SUPV3L1: variants seen among roughly 807,000 people sequenced by gnomAD.
The protein encoded by SUPV3L1 is Suv3 like RNA helicase.
SUPV3L1 carries 35 observed loss-of-function variants against 70.0 expected under a neutral mutation model. The observed-to-expected ratio is 0.50, with a 90% CI of 0.38 to 0.66. SUPV3L1 has a LOEUF of 0.66. Among genes scored for constraint, SUPV3L1 ranks in the 30% least tolerant of loss-of-function variants. The pLI is 0.00. For missense variants in SUPV3L1, 777 were observed against 961.5 expected (o/e 0.81, Z 2.54); for synonymous variants, 364 against 341.9 (o/e 1.06, Z -0.71).
At position 69,191,693 on chromosome 10, in the gene SUPV3L1, G is replaced by A; in HGVS notation, c.780G>A (p.Val260=). The change falls in exon 6 of 15, where the codon GTG becomes GTA. Residue 260 remains valine, a synonymous_variant. Coordinates refer to ENST00000359655, the MANE Select transcript of SUPV3L1 (RefSeq NM_003171.5). ...ACTTGGTGACAGGTGAAGAGCGTGT[G>A]ACAGTTCAGCCAAATGGGAAACAGG... ...PCDLVTGEER[V]TVQPNGKQAS... 1 of 1,614,008 alleles carries A rather than the reference G, an allele frequency of 6.2e-7. No individual in the cohort carries two copies. Among genetic ancestry groups the A allele is most frequent in the Non-Finnish European group, 8.5e-7 (1 of 1,179,994 alleles).
intron 13 of SUPV3L1, 22 bp from the exon 14 acceptor site, chr10:69,207,771 C>A: frequency 1.9e-6 from 3 of 1,601,452 alleles, no homozygotes; most frequent in Non-Finnish European, 1.7e-6. Flanking sequence ...TCTCTGAAAC[C>A]CTTTTCCTCT....
intron 13 of SUPV3L1, among the ~76,000 whole-genome samples, chr10:69,205,533 C>T (rs1306199484): frequency 6.6e-6 from 1 of 152,134 alleles, no homozygotes; most frequent in Non-Finnish European, 1.5e-5. Flanking sequence ...CGCCATGATG[C>T]GTGGTGTGTT....
intron 11 of SUPV3L1, among the ~76,000 whole-genome samples, chr10:69,202,055 G>A (rs1416578307): frequency 6.8e-6 from 1 of 146,140 alleles, no homozygotes; most frequent in Non-Finnish European, 1.5e-5. Flanking sequence ...TGGGCAGGAT[G>A]GTCTCAATCT....
At chr10:69,193,944 A>G (rs1008077005) in intron 6 of SUPV3L1, among the ~76,000 whole-genome samples, 1 of 152,176 alleles carries the variant, frequency 6.6e-6, no homozygotes, top group African/African-American at 2.4e-5. Flanking sequence ...TAAAACCCCT[A>G]AGGATGAGCA....
At chr10:69,193,988 C>G (rs2174669) in intron 6 of SUPV3L1, among the ~76,000 whole-genome samples, 3 of 152,172 alleles carry the variant, frequency 2.0e-5, no homozygotes, top group Non-Finnish European at 4.4e-5. Flanking sequence ...CCTTCCACTT[C>G]ACTTTCTGCT....
In SUPV3L1 at chr10:69,198,481, T is replaced by C. The variant is rs1842600669; in HGVS notation, c.1133T>C (p.Ile378Thr). Residue 378 changes from isoleucine (I) to threonine (T), a missense_variant, in exon 9 of 15, where the codon ATT becomes ACT. Around this residue, in one of 2 missense-constraint regions of SUPV3L1, gnomAD observed 619 missense variants for 823.3 expected, o/e 0.75. Coordinates refer to ENST00000359655, the MANE Select transcript of SUPV3L1 (RefSeq NM_003171.5). Reference sequence around the variant, plus strand: ...ATTGTCTGTTTTAGCAAGAATGATATTTATTCTGTGAGTCGGCAGATTGAA... The same window carrying C: ...ATTGTCTGTTTTAGCAAGAATGATACTTATTCTGTGAGTCGGCAGATTGAA... ...DCIVCFSKND[I>T]YSVSRQIEIR... 1 of 1,614,096 alleles carries C rather than the reference T, an allele frequency of 6.2e-7. No individual in the cohort carries two copies. The highest frequency in any genetic ancestry group is 8.5e-7 in the Non-Finnish European group (1 of 1,179,994).
intron 13 of SUPV3L1, among the ~76,000 whole-genome samples, chr10:69,204,721 G>A (rs1842778646): frequency 6.6e-6 from 1 of 151,586 alleles, no homozygotes; most frequent in Admixed American, 6.6e-5. Flanking sequence ...CTATGTGCAT[G>A]TTCATGTGGA....
At chr10:69,201,719 G>A (rs1334085129) in intron 11 of SUPV3L1, among the ~76,000 whole-genome samples, 2 of 151,796 alleles carry the variant, frequency 1.3e-5, no homozygotes, top group Non-Finnish European at 2.9e-5. Flanking sequence ...AAAATTTTTT[G>A]TAGAGATGGG....
intron 11 of SUPV3L1, among the ~76,000 whole-genome samples, chr10:69,201,329 C>G (rs113092329): frequency 2.8e-4 from 43 of 152,222 alleles, no homozygotes; most frequent in African/African-American, 9.4e-4. Flanking sequence ...CTTATACTTT[C>G]CTGTGGCCAT....
chr10:69,200,554 C>G, intron 11 of SUPV3L1, 55 bp downstream of exon 11: 1 of 1,433,964 alleles, frequency 7.0e-7, no homozygotes, highest in Non-Finnish European at 9.7e-7. Flanking sequence ...CATTCTTTCC[C>G]TCACCCACCA....
intron 4 of SUPV3L1, among the ~76,000 whole-genome samples, chr10:69,188,349 C>G (rs771518576): frequency 6.6e-6 from 1 of 152,170 alleles, no homozygotes; most frequent in African/African-American, 2.4e-5. Context: ...CTGTCATATT[C>G]TGCTTGGGTT....
At chr10:69,185,083 A>G (rs1269152365) in intron 1 of SUPV3L1, among the ~76,000 whole-genome samples, 1 of 152,192 alleles carries the variant, frequency 6.6e-6, no homozygotes, top group Non-Finnish European at 1.5e-5. Context: ...GTCACCCTTG[A>G]CAGTCATCTA....
In SUPV3L1 at chr10:69,208,694, A is replaced by C. The variant is rs776068571; in HGVS notation, c.2020A>C (p.Thr674Pro). 1.2e-6 allele frequency: 2 copies of C among 1,614,224 alleles called. No homozygotes were observed. The highest frequency in any genetic ancestry group is 1.3e-5 in the African/African-American group (1 of 75,042). ...TATCCAAGATGGTGTGCACAATATC[A>C]CTAAATTGATTAAAATGTCTGAGAC... ...GIIQDGVHNI[T>P]KLIKMSETHK... Residue 674 changes from threonine to proline, a missense_variant, in exon 15 of 15, where the codon ACT (threonine) becomes CCT (proline). By Grantham distance (38) the Thr-to-Pro change is conservative. Transcript: ENST00000359655.
chr10:69,198,834 A>T (rs1842610771), intron 9 of SUPV3L1, among the ~76,000 whole-genome samples: 1 of 152,208 alleles, frequency 6.6e-6, no homozygotes, highest in African/African-American at 2.4e-5. Flanking sequence ...GGTCTTGACC[A>T]TGTCCTTTTA....
rs1564702511 is a variant in SUPV3L1, at chr10:69,189,426, T to C, written c.732T>C (p.Ser244=). 6.2e-7 allele frequency: 1 copy of C among 1,609,546 alleles called. No individual in the cohort carries two copies. Among genetic ancestry groups the C allele is most frequent in the South Asian group, 1.1e-5 (1 of 90,070 alleles). ...TGGCACATGAGATCTTCGAAAAGAG[T>C]AATGCTGCTGTCAGTATATTACCAA... is the stretch of plus-strand genomic sequence containing the variant. ...KLLAHEIFEK[S]NAAGVPCDLV... Residue 244 remains serine (S), a synonymous_variant, in exon 5 of 15, where the codon AGT becomes AGC. Transcript: ENST00000359655.
intron 8 of SUPV3L1, 95 bp from the exon 9 acceptor site, chr10:69,198,277 C>G (rs1481058893): frequency 1.4e-5 from 16 of 1,103,710 alleles, no homozygotes; most frequent in Non-Finnish European, 2.0e-5. Context: ...CAGTTTTTAG[C>G]TACTCTTAAC....
chr10:69,199,500 G>T (rs1842629881), intron 10 of SUPV3L1, among the ~76,000 whole-genome samples: 2 of 152,150 alleles, frequency 1.3e-5, no homozygotes, highest in Non-Finnish European at 2.9e-5. Context: ...TCCTGCCTCA[G>T]CCTCCAGAGT....
chr10:69,186,098 A>G (rs776598077), intron 2 of SUPV3L1, 34 bp downstream of exon 2: 2 of 1,578,612 alleles, frequency 1.3e-6, no homozygotes, highest in Non-Finnish European at 1.7e-6. Flanking sequence ...GAGGTATTTT[A>G]TTACCTCTTA....
intron 6 of SUPV3L1, among the ~76,000 whole-genome samples, chr10:69,194,544 G>A (rs143376141): frequency 2.6e-5 from 4 of 152,102 alleles, no homozygotes; most frequent in Middle Eastern, 3.4e-3. Flanking sequence ...TGGAGACGGG[G>A]TTTCACCATA....
Sources: gnomAD v4.1 joint callset for allele counts (sites outside exome capture counted in the v4.1 genomes callset) on GRCh38, gnomAD v4.1.1 for gene constraint, gnomAD v4.1.1 regional missense constraint, MANE v1.5 for transcripts, NCBI Gene and HGNC (gene_info 2026-07-23, HGNC 2026-07-21) for gene names.